The following CDCP1 variants were observed in gnomAD, a reference collection of about 807,000 sequenced individuals.
CDCP1 encodes the protein CUB domain-containing protein 1.
Under a neutral mutation model 60.2 loss-of-function variants are expected in CDCP1, and 29 were observed. The ratio of observed to expected loss-of-function variants is 0.48; its 90% CI spans 0.36 to 0.66. The LOEUF (loss-of-function observed/expected upper bound fraction) is 0.66, where lower values mean the gene tolerates loss of function less well. CDCP1 is among the 30% of genes least tolerant of loss of function. CDCP1 has a pLI of 0.00. For missense variants in CDCP1, 876 were observed against 1,074.3 expected, an observed-to-expected ratio of 0.82 and a Z score of 2.58; for synonymous variants, 387 against 431.1, an observed-to-expected ratio of 0.90 and a Z score of 1.27.
chr3:45,112,182 T>C lies in CDCP1; in HGVS notation c.556A>G (p.Ile186Val). Residue 186 changes from isoleucine (I) to valine (V), a missense_variant, in exon 3 of 9, where the codon ATC becomes GTC. Transcript: ENST00000296129. ...ATTTTCACTCCTTCTTGCATCTTGA[T>C]CCGGGACACAGTGCCATTGCTGCAG... Reference protein sequence around the residue: ...TFCSNGTVSRIKMQEGVKMAL... With the variant: ...TFCSNGTVSRVKMQEGVKMAL... 1 of 1,614,182 alleles carries C rather than the reference T, an allele frequency of 6.2e-7. No individual in the cohort carries two copies. The highest frequency in any genetic ancestry group is 8.5e-7 in the Non-Finnish European group (1 of 1,180,034).
chr3:45,094,687 C>T (rs1698364201), intron 5 of CDCP1, among the ~76,000 whole-genome samples: 1 of 108,628 alleles, frequency 9.2e-6, no homozygotes, highest in East Asian at 2.8e-4. Flanking sequence ...GACAAGAGGG[C>T]AGTGAGTGTG....
chr3:45,131,201 T>TA (rs199565487), intron 1 of CDCP1, among the ~76,000 whole-genome samples: 3,275 of 144,238 alleles, frequency 0.023, 140 homozygotes, highest in African/African-American at 0.077. Context: ...TTATTGTGGT[T>TA]AAAAAAAAAA....
intron 1 of CDCP1, among the ~76,000 whole-genome samples, chr3:45,129,830 C>T (rs943605873): frequency 2.0e-5 from 3 of 152,132 alleles, no homozygotes; most frequent in African/African-American, 7.2e-5. Flanking sequence ...GACAAAAAGT[C>T]AGCAGCGGGG....
At chr3:45,136,342 T>C (rs1262609346) in intron 1 of CDCP1, among the ~76,000 whole-genome samples, 2 of 152,168 alleles carry the variant, frequency 1.3e-5, no homozygotes, top group Non-Finnish European at 2.9e-5. Flanking sequence ...ATTCCTTCCT[T>C]ACAGTAGAAG....
intron 1 of CDCP1, among the ~76,000 whole-genome samples, chr3:45,124,231 G>A (rs1038392561): frequency 6.6e-6 from 1 of 152,212 alleles, no homozygotes; most frequent in Non-Finnish European, 1.5e-5. Flanking sequence ...ATGTAGGGGA[G>A]GGAATTCCAG....
At chr3:45,134,807 C>T (rs1363625327) in intron 1 of CDCP1, among the ~76,000 whole-genome samples, 1 of 152,042 alleles carries the variant, frequency 6.6e-6, no homozygotes, top group East Asian at 1.9e-4. Flanking sequence ...AGACACATGC[C>T]TTCCTCACCC....
At chr3:45,128,942 C>A (rs1174073060) in intron 1 of CDCP1, among the ~76,000 whole-genome samples, 2 of 152,158 alleles carry the variant, frequency 1.3e-5, no homozygotes, top group Non-Finnish European at 2.9e-5. Flanking sequence ...GTCTGGAACT[C>A]CTGACCTCAG....
At chr3:45,138,882 AC>A (rs1699236651) in intron 1 of CDCP1, among the ~76,000 whole-genome samples, 1 of 152,020 alleles carries the variant, frequency 6.6e-6, no homozygotes, top group South Asian at 2.1e-4. Context: ...AAAAAGAAAG[AC>A]CGAAAAGAAA....
chr3:45,107,074 C>CT (rs1698579199), intron 4 of CDCP1, among the ~76,000 whole-genome samples: 1 of 152,206 alleles, frequency 6.6e-6, no homozygotes, highest in African/African-American at 2.4e-5. Context: ...CAGCTGCGGT[C>CT]CACTCTCCTG....
At chr3:45,131,061 G>A (rs1437509413) in intron 1 of CDCP1, among the ~76,000 whole-genome samples, 2 of 151,824 alleles carry the variant, frequency 1.3e-5, no homozygotes, top group Admixed American at 6.6e-5. Flanking sequence ...TTGTAGAGAC[G>A]GGGGTCTTCC....
rs756238913 is a variant in CDCP1 at position 45,091,803 on chromosome 3, T to C, written c.1628-265A>G. 9.9e-5 allele frequency among the ~76,000 whole-genome samples: 15 copies of C among 152,222 alleles called. No homozygotes were observed. Among genetic ancestry groups the C allele is most frequent in the Non-Finnish European group, 1.6e-4 (11 of 68,044 alleles). On this transcript the variant is annotated intron_variant, in intron 6 of 8. Coordinates refer to ENST00000296129, the MANE Select transcript of CDCP1 (RefSeq NM_022842.5). The surrounding 1 kb of genome is among the most constrained non-coding windows in gnomAD (Gnocchi z 4.8). ...GTTAATTTATTATTATTAGTTATTT[T>C]TGAGAGGGAGTCTCACTCTGTTGCC... is the stretch of plus-strand genomic sequence containing the variant.
At chr3:45,124,690 C>A (rs961372524) in intron 1 of CDCP1, among the ~76,000 whole-genome samples, 2 of 152,218 alleles carry the variant, frequency 1.3e-5, no homozygotes, top group African/African-American at 4.8e-5. Flanking sequence ...ATCCATGGAG[C>A]AGATCCCTGC....
chr3:45,091,096 T>C lies in CDCP1; in HGVS notation c.1993+77A>G. 6.7e-7 allele frequency: 1 copy of C among 1,491,886 alleles called. No individual in the cohort carries two copies. The highest frequency in any genetic ancestry group is 1.3e-5 in the South Asian group (1 of 79,320). 92.4% of individuals were successfully genotyped at this position (1,491,886 alleles called of 1,614,324 possible). A position where few individuals can be genotyped will look rare whatever the true frequency, so the allele number is the denominator to read the frequency against. ...GGACTCAATCTGTGATTCTGACTTGTCTCCAGGCTTGCTCTCTATCCTCCA... is the reference window on the plus strand; with the variant it reads ...GGACTCAATCTGTGATTCTGACTTGCCTCCAGGCTTGCTCTCTATCCTCCA... On this transcript the variant is annotated intron_variant, in intron 7 of 8. Transcript: ENST00000296129. The surrounding 1 kb of genome is among the most constrained non-coding windows in gnomAD (Gnocchi z 4.8).
At chr3:45,094,179 GGT>G (rs1576080173) in intron 5 of CDCP1, among the ~76,000 whole-genome samples, 1 of 152,082 alleles carries the variant, frequency 6.6e-6, no homozygotes, top group Admixed American at 6.5e-5. Context: ...CAGAAGTCAT[GGT>G]AGCCCAGCAA....
intron 1 of CDCP1, among the ~76,000 whole-genome samples, chr3:45,130,995 T>A (rs371417365): frequency 1.6e-4 from 25 of 151,994 alleles, no homozygotes; most frequent in African/African-American, 5.8e-4. Context: ...GCCTCCTGAG[T>A]AGCTGGGACC....
intron 8 of CDCP1, among the ~76,000 whole-genome samples, chr3:45,088,328 C>CA (rs1179597746): frequency 4.1e-5 from 6 of 147,818 alleles, no homozygotes; most frequent in South Asian, 2.2e-4. Flanking sequence ...CAAAAAAATA[C>CA]AAAAAAAATT....
intron 1 of CDCP1, among the ~76,000 whole-genome samples, chr3:45,144,555 T>C (rs1232825236): frequency 6.6e-6 from 1 of 152,218 alleles, no homozygotes; most frequent in Non-Finnish European, 1.5e-5. Context: ...TTGGAGTTAC[T>C]GGACCAAAAT....
rs1559392523 is a variant in CDCP1, at chr3:45,108,770, TGCATGTATAC to T, written c.1024+1693_1024+1702del. ...ATATATATGCATGTATATATATATA[TGCATGTATAC>T]ATATATATGCATGTATATATATATA... On this transcript the variant is annotated intron_variant, in intron 4 of 8. Transcript: ENST00000296129. Among the ~76,000 whole-genome samples, 116 of 79,770 alleles carry T rather than the reference TGCATGTATAC, an allele frequency of 1.5e-3. 3 individuals carry two copies. The highest frequency in any genetic ancestry group is 6.8e-3 in the Middle Eastern group (1 of 148). 52.3% of individuals were successfully genotyped at this position (79,770 alleles called of 152,430 possible).
intron 2 of CDCP1, among the ~76,000 whole-genome samples, chr3:45,113,806 C>T (rs1480774328): frequency 1.3e-5 from 2 of 152,204 alleles, no homozygotes; most frequent in Admixed American, 1.3e-4. Flanking sequence ...ACTAACGTGA[C>T]TAAAATTAGA....
Sources: allele counts gnomAD v4.1 joint callset (sites outside exome capture counted in the v4.1 genomes callset), GRCh38; gene constraint gnomAD v4.1.1; non-coding constraint Gnocchi (gnomAD v3.1); transcripts MANE v1.5; gene names NCBI Gene and HGNC (gene_info 2026-07-23, HGNC 2026-07-21).